Variants in PSME4 observed in about 807,000 individuals in gnomAD.
PSME4 encodes proteasome activator complex subunit 4.
Under a neutral mutation model 253.9 loss-of-function variants are expected in PSME4, and 89 were observed. The observed-to-expected ratio is 0.35, with a 90% CI of 0.30 to 0.42. The LOEUF (loss-of-function observed/expected upper bound fraction) is 0.42, where lower values mean the gene tolerates loss of function less well. Among genes scored for constraint, PSME4 ranks in the 10% least tolerant of loss-of-function variants. The probability of loss-of-function intolerance (pLI) is 1.00; values close to 1 mark genes in which losing one functional copy is unlikely to be tolerated. For missense variants in PSME4, 2,014 were observed against 2,195.2 expected (o/e 0.92, Z 1.65); for synonymous variants, 851 against 759.2 (o/e 1.12, Z -1.99).
At chr2:53,905,681 C>T (rs1680624653) in intron 26 of PSME4, among the ~76,000 whole-genome samples, 1 of 152,128 alleles carries the variant, frequency 6.6e-6, no homozygotes, top group Admixed American at 6.5e-5. Flanking sequence ...TGATGTACGC[C>T]TATAATCCCA....
At chr2:53,867,891 T>C (rs543694674) in intron 44 of PSME4, among the ~76,000 whole-genome samples, 60 of 152,000 alleles carry the variant, frequency 3.9e-4, no homozygotes, top group Non-Finnish European at 7.9e-4. Context: ...AAACAGAGAA[T>C]TGCAGCATGT....
Position 53,920,279 on chromosome 2 carries a change from A to G in PSME4, c.2334T>C (p.Ser778=), listed in dbSNP as rs1668239906. 1 of 1,613,858 alleles carries G rather than the reference A, an allele frequency of 6.2e-7. No individual in the cohort carries two copies. Among genetic ancestry groups the G allele is most frequent in the Admixed American group, 1.7e-5 (1 of 60,000 alleles). The change falls in exon 19 of 47, where the codon TCT becomes TCC. Residue 778 remains serine, a synonymous_variant. Transcript: ENST00000404125. ...AGGAGTCCAAAAGATAAAAGGCAAA[A>G]GACACTTCTTCTGAAGAAGGAACAT... ...QWHVPSSEEV[S]FAFYLLDSFL...
At chr2:53,937,658 C>T in intron 4 of PSME4, 118 bp from the exon 5 acceptor site, 1 of 925,910 alleles carries the variant, frequency 1.1e-6, no homozygotes, top group Non-Finnish European at 1.7e-6. Context: ...TAGCATGTAA[C>T]ACAGTCTACA....
At chr2:53,874,877 G>A (rs1361935632) in intron 42 of PSME4, among the ~76,000 whole-genome samples, 2 of 152,156 alleles carry the variant, frequency 1.3e-5, no homozygotes, top group Non-Finnish European at 2.9e-5. Context: ...CCTGGGGGGC[G>A]GAGGTTGCAG....
chr2:53,939,740 T>G (rs1004119062), intron 4 of PSME4, among the ~76,000 whole-genome samples: 2 of 152,238 alleles, frequency 1.3e-5, no homozygotes, highest in African/African-American at 2.4e-5. Context: ...AAGTATGGTA[T>G]TCTTACTTTA....
At chr2:53,969,876 C>T (rs1251009754) in intron 1 of PSME4, among the ~76,000 whole-genome samples, 2 of 152,110 alleles carry the variant, frequency 1.3e-5, no homozygotes, top group Non-Finnish European at 2.9e-5. Context: ...TCTTAAATGT[C>T]TCTCCAAAAG....
chr2:53,878,363 T>C (rs906796700), intron 41 of PSME4, among the ~76,000 whole-genome samples: 9 of 152,218 alleles, frequency 5.9e-5, no homozygotes, highest in African/African-American at 2.2e-4. Flanking sequence ...GAATGTCGCC[T>C]CAGGACCCTG....
intron 2 of PSME4, 68 bp from the exon 3 acceptor site, chr2:53,948,605 C>G (rs1444819718): frequency 1.0e-6 from 1 of 982,376 alleles, no homozygotes. Flanking sequence ...ACCACAAATA[C>G]TACACAGGGA....
chr2:53,958,140 C>T (rs998379288), intron 1 of PSME4, among the ~76,000 whole-genome samples: 10 of 145,700 alleles, frequency 6.9e-5, no homozygotes, highest in African/African-American at 2.1e-4. Flanking sequence ...GAGGCAAGAT[C>T]GCGCCACTGC....
intron 40 of PSME4, among the ~76,000 whole-genome samples, chr2:53,886,819 G>A (rs1216433213): frequency 5.9e-5 from 9 of 152,094 alleles, no homozygotes; most frequent in African/African-American, 1.7e-4. Context: ...GCAAACAGAT[G>A]AATGGGTAAC....
At chr2:53,951,969 G>A (rs925378761) in intron 1 of PSME4, among the ~76,000 whole-genome samples, 1 of 152,166 alleles carries the variant, frequency 6.6e-6, no homozygotes, top group Non-Finnish European at 1.5e-5. Context: ...AGAGCCTTCT[G>A]ATGCCTCCCT....
chr2:53,904,615 T>A (rs1189397553), intron 26 of PSME4, among the ~76,000 whole-genome samples: 7 of 152,178 alleles, frequency 4.6e-5, no homozygotes, highest in Non-Finnish European at 8.8e-5. Flanking sequence ...TTAAGTACAA[T>A]CTCACATATT....
intron 41 of PSME4, among the ~76,000 whole-genome samples, chr2:53,882,890 T>G (rs887945615): frequency 7.0e-6 from 1 of 143,688 alleles, no homozygotes; most frequent in African/African-American, 2.5e-5. Context: ...AAATAACATT[T>G]GAGGAAATAC....
intron 36 of PSME4, among the ~76,000 whole-genome samples, chr2:53,892,349 G>T (rs958829670): frequency 6.6e-6 from 1 of 152,040 alleles, no homozygotes; most frequent in East Asian, 1.9e-4. Context: ...TTAAAAAGAG[G>T]GATACTCTAA....
chr2:53,939,708 C>T (rs1669295015), intron 4 of PSME4, among the ~76,000 whole-genome samples: 3 of 152,098 alleles, frequency 2.0e-5, no homozygotes, highest in African/African-American at 7.2e-5. Flanking sequence ...GAAATGCTTC[C>T]AAATAAAGAT....
In PSME4 at chr2:53,934,608, C is replaced by G. The variant is rs375846774; in HGVS notation, c.954G>C (p.Met318Ile). 5.0e-6 allele frequency: 8 copies of G among 1,608,472 alleles called. No homozygotes were observed. In the East Asian group the frequency reaches 1.1e-4, roughly 22 times the overall value. ...IGHAVIWITAMMGGPSKLVQK... is the reference protein window; with the variant it reads ...IGHAVIWITAIMGGPSKLVQK... ...ACAAATATAATGTATTACAAACCAT[C>G]ATGGCGGTGATCCATATTACAGCAT... is the stretch of plus-strand genomic sequence containing the variant. The change falls in exon 8 of 47, where the codon ATG becomes ATC. Residue 318 changes from methionine to isoleucine, a missense_variant. Transcript: ENST00000404125.
intron 17 of PSME4, among the ~76,000 whole-genome samples, chr2:53,922,235 A>G (rs140493005): frequency 1.2e-3 from 189 of 152,310 alleles, no homozygotes; most frequent in African/African-American, 4.3e-3. Context: ...TTTAAAGTGT[A>G]GACCAAAAAA....
At chr2:53,904,777 T>C (rs1328862283) in intron 26 of PSME4, among the ~76,000 whole-genome samples, 2 of 151,866 alleles carry the variant, frequency 1.3e-5, no homozygotes, top group Non-Finnish European at 2.9e-5. Context: ...TCACCTGAGG[T>C]CAGGAGTTAG....
In PSME4 at chr2:53,928,212, C is replaced by G. The variant is rs1211141313; in HGVS notation, c.1408G>C (p.Gly470Arg). 2.5e-6 allele frequency: 4 copies of G among 1,614,012 alleles called. No individual in the cohort carries two copies. The highest frequency in any genetic ancestry group is 3.4e-6 in the Non-Finnish European group (4 of 1,180,008). The change falls in exon 11 of 47, where the codon GGA becomes CGA. Residue 470 changes from glycine (G) to arginine (R), a missense_variant. Gly to Arg is a moderately radical substitution (Grantham distance 125). This residue lies in a region of PSME4 where 615 missense variants were observed against 594.4 expected (regional missense o/e 1.03). Coordinates refer to ENST00000404125, the MANE Select transcript of PSME4 (RefSeq NM_014614.3). ...VIGVARSLVS[G>R]GRWFPEGPTH... The stretch of plus-strand genomic sequence containing the variant: ...GGACCTTCAGGAAACCATCTGCCTC[C>G]TGATACCAAACTGCGGGCTACTCCA...
Sources: gnomAD v4.1 joint callset for allele counts (sites outside exome capture counted in the v4.1 genomes callset) on GRCh38, gnomAD v4.1.1 for gene constraint, gnomAD v4.1.1 regional missense constraint, MANE v1.5 for transcripts, NCBI Gene and HGNC (gene_info 2026-07-23, HGNC 2026-07-21) for gene names.